CENPP: variants seen among roughly 807,000 people sequenced by gnomAD.
CENPP encodes centromere protein P.
In CENPP, 24 loss-of-function variants were observed where a neutral mutation model predicts 35.6. That is an observed-to-expected ratio of 0.67 (90% CI 0.49 to 0.95). The LOEUF (loss-of-function observed/expected upper bound fraction) is 0.95. CENPP is among the 40% of genes least tolerant of loss of function. The pLI, the probability that CENPP is intolerant of heterozygous loss-of-function variation, is 0.00. For synonymous variants in CENPP, 120 were observed against 125.5 expected, an observed-to-expected ratio of 0.96 and a Z score of 0.29; for missense variants, 332 against 345.3, an observed-to-expected ratio of 0.96 and a Z score of 0.31.
intron 5 of CENPP, among the ~76,000 whole-genome samples, chr9:92,606,549 ATATG>A (rs2131393881): frequency 6.6e-6 from 1 of 152,338 alleles, no homozygotes; most frequent in Non-Finnish European, 1.5e-5. Context: ...GGAAATGAAA[ATATG>A]TATGTGCAAA....
chr9:92,348,114 T>C (rs1841345781), intron 4 of CENPP, among the ~76,000 whole-genome samples: 1 of 420 alleles, frequency 2.4e-3, no homozygotes, highest in African/African-American at 0.014. Context: ...CTTTCTTTCT[T>C]TTTTTTTTTT....
intron 5 of CENPP, among the ~76,000 whole-genome samples, chr9:92,469,912 G>T (rs1343698439): frequency 6.6e-6 from 1 of 152,170 alleles, no homozygotes; most frequent in Non-Finnish European, 1.5e-5. Flanking sequence ...GTGTCACCCA[G>T]GCTAGAGTGC....
At chr9:92,545,355 C>T (rs1849410727) in intron 5 of CENPP, among the ~76,000 whole-genome samples, 1 of 152,182 alleles carries the variant, frequency 6.6e-6, no homozygotes, top group African/African-American at 2.4e-5. Context: ...TTGGCGGGCC[C>T]CGTACTGGGA....
chr9:92,532,015 G>GTTTTTTTTGTTTT (rs1563990161), intron 5 of CENPP, among the ~76,000 whole-genome samples: 1 of 95,736 alleles, frequency 1.0e-5, no homozygotes, highest in Non-Finnish European at 1.9e-5. Context: ...TTTATTTAAT[G>GTTTTTTTTGTTTT]TTTTTTTTTT....
At chr9:92,341,967 TTAAAAA>T (rs1291327656) in intron 3 of CENPP, among the ~76,000 whole-genome samples, 3 of 152,230 alleles carry the variant, frequency 2.0e-5, no homozygotes, top group African/African-American at 7.2e-5. Context: ...GACAGAAAAC[TTAAAAA>T]TAAAGGTACT....
chr9:92,494,247 T>C, intron 5 of CENPP: 1 of 1,209,260 alleles, frequency 8.3e-7, no homozygotes. Context: ...CCTTATTCAG[T>C]TTGAGCCCCC....
At position 92,495,709 on chromosome 9, in the gene CENPP, A is replaced by G. The variant is rs1249958581; in HGVS notation, c.565-115605A>G. On this transcript the variant is annotated intron_variant, in intron 5 of 7. Coordinates refer to ENST00000375587, the MANE Select transcript of CENPP (RefSeq NM_001012267.3). ...CTTAATGTTAACAATGTACATAACCATAATATGATTTTCAAAACCAGGAAA... is the reference window on the plus strand; with the variant it reads ...CTTAATGTTAACAATGTACATAACCGTAATATGATTTTCAAAACCAGGAAA... 1.1e-5 allele frequency: 10 copies of G among 901,492 alleles called. No individual in the cohort carries two copies. The African/African-American group carries it at 1.3e-4, about 11-fold the overall frequency. 55.8% of individuals were successfully genotyped at this position (901,492 alleles called of 1,614,324 possible).
chr9:92,563,177 A>G (rs1849887237), intron 5 of CENPP, among the ~76,000 whole-genome samples: 1 of 152,154 alleles, frequency 6.6e-6, no homozygotes, highest in Non-Finnish European at 1.5e-5. Context: ...TTATTCTTTT[A>G]AAGCCTCAAG....
chr9:92,541,953 C>T (rs12350198), intron 5 of CENPP, among the ~76,000 whole-genome samples: 38,954 of 151,918 alleles, frequency 0.26, 7,216 homozygotes, highest in African/African-American at 0.52. Context: ...GCCGCCGCAC[C>T]CAGCTAATTT....
At chr9:92,336,750 C>T (rs148444319) in intron 2 of CENPP, among the ~76,000 whole-genome samples, 1 of 152,108 alleles carries the variant, frequency 6.6e-6, no homozygotes, top group Non-Finnish European at 1.5e-5. Context: ...GTGGTAGTTA[C>T]CTGAACAACC....
intron 5 of CENPP, among the ~76,000 whole-genome samples, chr9:92,567,397 G>GATATATATATATATAT (rs762810461): frequency 3.1e-4 from 16 of 51,582 alleles, no homozygotes; most frequent in Admixed American, 5.3e-4. Context: ...TATATATATA[G>GATATATATATATATAT]ATATATATAT....
intron 5 of CENPP, among the ~76,000 whole-genome samples, chr9:92,577,965 A>G (rs1187141835): frequency 9.5e-6 from 1 of 105,584 alleles, no homozygotes; most frequent in Non-Finnish European, 1.8e-5. Flanking sequence ...CCACCCCACA[A>G]CAGTCCCCAG....
chr9:92,558,125 G>C (rs1375165403), intron 5 of CENPP, among the ~76,000 whole-genome samples: 2 of 152,050 alleles, frequency 1.3e-5, no homozygotes, highest in Non-Finnish European at 2.9e-5. Context: ...CTAAGCTCCT[G>C]AATTCTTTTT....
chr9:92,595,487 C>T (rs939497665), intron 5 of CENPP, among the ~76,000 whole-genome samples: 6 of 152,096 alleles, frequency 3.9e-5, no homozygotes, highest in South Asian at 2.1e-4. Context: ...AGCAATCATC[C>T]GGCCTTACAC....
chr9:92,326,977 G>C (rs1840553076), intron 1 of CENPP, among the ~76,000 whole-genome samples: 1 of 152,214 alleles, frequency 6.6e-6, no homozygotes. Context: ...AGTAGAGGAA[G>C]CTGTGACTGG....
At chr9:92,541,996 C>G (rs111899143) in intron 5 of CENPP, among the ~76,000 whole-genome samples, 1 of 152,226 alleles carries the variant, frequency 6.6e-6, no homozygotes, top group African/African-American at 2.4e-5. Context: ...GTTTCATTAT[C>G]TTGGCCAGGC....
chr9:92,550,662 C>A (rs1174633379), intron 5 of CENPP, among the ~76,000 whole-genome samples: 3 of 151,738 alleles, frequency 2.0e-5, no homozygotes, highest in African/African-American at 7.3e-5. Flanking sequence ...AGGGTTGAGG[C>A]AAGAGTACAA....
In CENPP at chr9:92,337,591, G is replaced by T; in HGVS notation, c.340G>T (p.Val114Phe). The change falls in exon 3 of 8, where the codon GTT becomes TTT. Residue 114 changes from valine to phenylalanine, a missense_variant. Transcript: ENST00000375587. ...CAGATTATCAGGAAATTGCCACATG[G>T]TTACATTTCAACTTGAATTTCAGAT... Reference protein sequence around the residue: ...RHRLSGNCHMVTFQLEFQILE... With the variant: ...RHRLSGNCHMFTFQLEFQILE... The T allele has an allele frequency of 1.2e-6, 2 of 1,608,884 alleles. No individual in the cohort carries two copies. The highest frequency in any genetic ancestry group is 1.7e-6 in the Non-Finnish European group (2 of 1,175,316).
chr9:92,371,483 A>G (rs1842002867), intron 4 of CENPP, among the ~76,000 whole-genome samples: 1 of 152,142 alleles, frequency 6.6e-6, no homozygotes, highest in South Asian at 2.1e-4. Flanking sequence ...GACACATGCT[A>G]TGATTTTGAT....
Sources: gnomAD v4.1 joint callset for allele counts (sites outside exome capture counted in the v4.1 genomes callset) on GRCh38, gnomAD v4.1.1 for gene constraint, MANE v1.5 for transcripts, NCBI Gene and HGNC (gene_info 2026-07-23, HGNC 2026-07-21) for gene names.